Variants in CDH23 observed in about 807,000 individuals in gnomAD.
The protein encoded by CDH23 is cadherin-23.
Under a neutral mutation model 317.1 loss-of-function variants are expected in CDH23, and 189 were observed. The ratio of observed to expected loss-of-function variants is 0.60; its 90% CI spans 0.53 to 0.67. CDH23 has a LOEUF of 0.67. CDH23 is among the 30% of genes least tolerant of loss of function. The pLI, the probability that CDH23 is intolerant of heterozygous loss-of-function variation, is 0.00. For synonymous variants in CDH23, 1,839 were observed against 1,876.8 expected (o/e 0.98, Z 0.52); for missense variants, 4,401 against 4,592.4 (o/e 0.96, Z 1.20).
At chr10:71,680,428 T>A (rs1864570482) in intron 17 of CDH23, among the ~76,000 whole-genome samples, 1 of 150,532 alleles carries the variant, frequency 6.6e-6, no homozygotes, top group African/African-American at 2.5e-5. Flanking sequence ...CCACAGTTAG[T>A]TCAGTTCAGA....
intron 12 of CDH23, among the ~76,000 whole-genome samples, chr10:71,644,178 C>A (rs1342325372): frequency 2.0e-5 from 3 of 152,232 alleles, no homozygotes; most frequent in Admixed American, 2.0e-4. Flanking sequence ...AGGAGCCTTG[C>A]CCCCACATCC....
At chr10:71,567,387 A>G (rs553051530) in intron 7 of CDH23, among the ~76,000 whole-genome samples, 48 of 152,316 alleles carry the variant, frequency 3.2e-4, no homozygotes, top group Non-Finnish European at 6.9e-4. Context: ...GCAGGGCCCA[A>G]AGGAGTTCAG....
Position 71,779,320 on chromosome 10 carries a change from C to G in CDH23, c.5241C>G (p.Asp1747Glu), listed in dbSNP as rs1364898732. The G allele has an allele frequency of 1.9e-6, 3 of 1,613,926 alleles. No homozygotes were observed. Among genetic ancestry groups the G allele is most frequent in the Admixed American group, 1.7e-5 (1 of 60,008 alleles). ...ACAATGTGCCTACCTTCCCCCGGGA[C>G]TATGAGGGACCATTTGAAGTCACTG... The part of the protein sequence containing the change: ...INDNVPTFPR[D>E]YEGPFEVTEG... The change falls in exon 41 of 70, where the codon GAC becomes GAG. Residue 1747 changes from aspartate to glutamate, a missense_variant. Asp to Glu is a conservative substitution (Grantham distance 45). Transcript: ENST00000224721.
At chr10:71,804,440 A>G (rs973377296) in intron 55 of CDH23, among the ~76,000 whole-genome samples, 4 of 152,238 alleles carry the variant, frequency 2.6e-5, no homozygotes, top group African/African-American at 9.6e-5. Flanking sequence ...CCGTAGTGGC[A>G]CCATCAGAAT....
At chr10:71,813,697 AG>A (rs1304198482) in intron 69 of CDH23, among the ~76,000 whole-genome samples, 1 of 152,202 alleles carries the variant, frequency 6.6e-6, no homozygotes, top group Non-Finnish European at 1.5e-5. Flanking sequence ...AATTGAGGCC[AG>A]GAGTTCGAGA....
At chr10:71,567,267 TA>T (rs1252343497) in intron 7 of CDH23, among the ~76,000 whole-genome samples, 1 of 152,222 alleles carries the variant, frequency 6.6e-6, no homozygotes, top group Non-Finnish European at 1.5e-5. Context: ...CCCGACTCCA[TA>T]GCCTGCTCGG....
intron 11 of CDH23, among the ~76,000 whole-genome samples, chr10:71,636,571 G>A (rs1862288538): frequency 6.6e-6 from 1 of 152,140 alleles, no homozygotes; most frequent in Non-Finnish European, 1.5e-5. Context: ...CCCCATCCAA[G>A]CTTCCCATGT....
At chr10:71,761,401 C>T (rs918109854) in intron 38 of CDH23, among the ~76,000 whole-genome samples, 1 of 152,178 alleles carries the variant, frequency 6.6e-6, no homozygotes, top group Non-Finnish European at 1.5e-5. Flanking sequence ...GTACACCCTC[C>T]CTCTCCATCA....
chr10:71,661,618 C>CTGGGG (rs1385884117), intron 14 of CDH23, among the ~76,000 whole-genome samples: 1 of 152,098 alleles, frequency 6.6e-6, no homozygotes, highest in East Asian at 1.9e-4. Context: ...ATTCTGATAA[C>CTGGGG]TGGGGTGGGG....
At chr10:71,769,835 T>G (rs1162334631) in intron 38 of CDH23, among the ~76,000 whole-genome samples, 2 of 152,242 alleles carry the variant, frequency 1.3e-5, no homozygotes, top group East Asian at 3.8e-4. Context: ...ACTGTCTTTG[T>G]CTTTGGTGAT....
intron 34 of CDH23, among the ~76,000 whole-genome samples, chr10:71,738,253 C>G (rs1839623316): frequency 6.6e-6 from 1 of 152,224 alleles, no homozygotes; most frequent in Non-Finnish European, 1.5e-5. Flanking sequence ...CAGGCCTCTT[C>G]CCTTGCCCTC....
chr10:71,414,844 G>A (rs1415624638), intron 1 of CDH23, among the ~76,000 whole-genome samples: 1 of 152,130 alleles, frequency 6.6e-6, no homozygotes, highest in Non-Finnish European at 1.5e-5. Flanking sequence ...TTCTTAGTAG[G>A]AAAGTTATAA....
intron 55 of CDH23, 121 bp downstream of exon 55, chr10:71,803,541 GA>G (rs940520488): frequency 5.1e-4 from 394 of 777,516 alleles, no homozygotes; most frequent in East Asian, 5.7e-4. Flanking sequence ...GTAGCTCCAG[GA>G]AAAAAAAAAC....
In CDH23 at chr10:71,741,017, C is replaced by T. The variant is rs923703440; in HGVS notation, c.4617+67C>T. The T allele has an allele frequency of 8.8e-6, 14 of 1,584,436 alleles. No individual in the cohort carries two copies. In the African/African-American group the frequency reaches 1.2e-4, roughly 14 times the overall value. ...GGACCGTGGGCACGAGCCAACCATG[C>T]AGCCCCTGTTTAAATGTCTGCCTGG... On this transcript the variant is annotated intron_variant, in intron 37 of 69. Coordinates refer to ENST00000224721, the MANE Select transcript of CDH23 (RefSeq NM_022124.6).
At chr10:71,590,599 T>C (rs950240401) in intron 9 of CDH23, among the ~76,000 whole-genome samples, 10 of 152,224 alleles carry the variant, frequency 6.6e-5, no homozygotes, top group African/African-American at 2.4e-4. Context: ...TTTTTCTTTA[T>C]AATGACAGTG....
intron 14 of CDH23, among the ~76,000 whole-genome samples, chr10:71,670,776 T>C (rs2441789): frequency 0.46 from 70,487 of 151,808 alleles, 17,306 homozygotes; most frequent in East Asian, 0.76. Flanking sequence ...AGCTACCGGC[T>C]TTGACTTTTT....
At chr10:71,653,187 C>A (rs1863260014) in intron 14 of CDH23, among the ~76,000 whole-genome samples, 1 of 152,194 alleles carries the variant, frequency 6.6e-6, no homozygotes, top group Non-Finnish European at 1.5e-5. Flanking sequence ...CCTGCTGCAT[C>A]AATGTCAGCC....
At chr10:71,722,589 G>T (rs1866608944) in intron 28 of CDH23, among the ~76,000 whole-genome samples, 1 of 152,218 alleles carries the variant, frequency 6.6e-6, no homozygotes, top group Admixed American at 6.5e-5. Flanking sequence ...TTCCTGTGGG[G>T]ATATGGGCAA....
intron 6 of CDH23, among the ~76,000 whole-genome samples, chr10:71,517,569 T>C (rs560535751): frequency 1.1e-4 from 16 of 151,780 alleles, no homozygotes; most frequent in Admixed American, 7.9e-4. Flanking sequence ...GGGGGGGAGA[T>C]GCGAGGGGGC....
Sources: allele counts gnomAD v4.1 joint callset (sites outside exome capture counted in the v4.1 genomes callset), GRCh38; gene constraint gnomAD v4.1.1; transcripts MANE v1.5; gene names NCBI Gene and HGNC (gene_info 2026-07-23, HGNC 2026-07-21).